Variants in KCNQ1 observed in about 807,000 individuals in gnomAD.
KCNQ1 encodes the protein potassium voltage-gated channel subfamily Q member 1.
A neutral mutation model predicts 72.4 loss-of-function variants in KCNQ1; 49 were observed. The ratio of observed to expected loss-of-function variants is 0.68; its 90% CI spans 0.54 to 0.86. The LOEUF is 0.86. KCNQ1 is among the 40% of genes least tolerant of loss of function. The pLI, the probability that KCNQ1 is intolerant of heterozygous loss-of-function variation, is 0.00. For synonymous variants in KCNQ1, 450 were observed against 412.6 expected, an observed-to-expected ratio of 1.09 and a Z score of -1.10; for missense variants, 790 against 945.1, an observed-to-expected ratio of 0.84 and a Z score of 2.15.
Position 2,598,919 on chromosome 11 carries a change from C to T in KCNQ1, c.1393+10065C>T, listed in dbSNP as rs996632821. On this transcript the variant is annotated intron_variant, in intron 10 of 15. Transcript: ENST00000155840. This position sits in a 1 kb window ranked among gnomAD's most constrained non-coding sequence, Gnocchi z 6.2. ...TAAGTGCTCACCCAGGACCCATATG[C>T]AGCAAACAGTCTTGTGTCTCTGTCT... is the stretch of plus-strand genomic sequence containing the variant. Among the ~76,000 whole-genome samples the T allele has an allele frequency of 6.6e-6, 1 of 152,242 alleles. No homozygotes were observed. Among genetic ancestry groups the T allele is most frequent in the Admixed American group, 6.5e-5 (1 of 15,290 alleles).
At position 2,672,073 on chromosome 11, in the gene KCNQ1, G is replaced by A. The variant is rs1850193513; in HGVS notation, c.1514+9992G>A. Reference sequence around the variant, plus strand: ...GCCCAGTATCCTCCCCTGGTCCCTGGTCTGGACTGAGCAGCTGTCTTCTGC... The same window carrying A: ...GCCCAGTATCCTCCCCTGGTCCCTGATCTGGACTGAGCAGCTGTCTTCTGC... On this transcript the variant is annotated intron_variant, in intron 11 of 15. Transcript: ENST00000155840. 1.3e-5 allele frequency: 5 copies of A among 398,704 alleles called. No homozygotes were observed. The East Asian group carries it at 1.4e-4, about 11-fold the overall frequency. The allele number at this position is 398,704 out of a possible 1,614,324, so 24.7% of individuals were successfully genotyped here.
At chr11:2,527,726 G>A (rs1284693089) in intron 1 of KCNQ1, among the ~76,000 whole-genome samples, 5 of 152,238 alleles carry the variant, frequency 3.3e-5, no homozygotes, top group South Asian at 2.1e-4. Flanking sequence ...TTGGTGCTTC[G>A]TCCCTTCCCG....
At position 2,676,011 on chromosome 11, in the gene KCNQ1, C is replaced by T; in HGVS notation, c.1514+13930C>T. On this transcript the variant is annotated intron_variant, in intron 11 of 15. Coordinates refer to ENST00000155840, the MANE Select transcript of KCNQ1 (RefSeq NM_000218.3). This position sits in a 1 kb window ranked among gnomAD's most constrained non-coding sequence, Gnocchi z 4.2. ...CACCCAACCCTAATTCCCAAGTTTC[C>T]TTCCCTAAAGGTTACCACTCAACAC... 1 of 398,674 alleles carries T rather than the reference C, an allele frequency of 2.5e-6. No homozygotes were observed. Among genetic ancestry groups the T allele is most frequent in the Admixed American group, 4.4e-5 (1 of 22,744 alleles). 24.7% of individuals were successfully genotyped at this position (398,674 alleles called of 1,614,324 possible).
chr11:2,802,698 A>G (rs542661171), intron 15 of KCNQ1, among the ~76,000 whole-genome samples: 1 of 152,302 alleles, frequency 6.6e-6, no homozygotes, highest in East Asian at 1.9e-4. Flanking sequence ...ACTGGGGAAC[A>G]GAGGGGCTGG....
chr11:2,623,517 A>G lies in KCNQ1; in HGVS notation c.1393+34663A>G. 1 of 398,584 alleles carries G rather than the reference A, an allele frequency of 2.5e-6. No individual in the cohort carries two copies. The allele number at this position is 398,584 out of a possible 1,614,324, so 24.7% of individuals were successfully genotyped here. On this transcript the variant is annotated intron_variant, in intron 10 of 15. Coordinates refer to ENST00000155840, the MANE Select transcript of KCNQ1 (RefSeq NM_000218.3). The surrounding 1 kb of genome is among the most constrained non-coding windows in gnomAD (Gnocchi z 5.2). ...TAAAATGCAATATGATTGGAATCAT[A>G]CAGTATGTAGTTTCTTCAGATTGCC...
In KCNQ1 at chr11:2,695,926, T is replaced by C. The variant is rs976137892; in HGVS notation, c.1514+33845T>C. On this transcript the variant is annotated intron_variant, in intron 11 of 15. Transcript: ENST00000155840. The surrounding 1 kb of genome is among the most constrained non-coding windows in gnomAD (Gnocchi z 5.2). ...TTTCTTAATGATTTGTGGTGCTTTCTGGTATATTTTAGCTGTTGTTCCCTC... is the reference window on the plus strand; with the variant it reads ...TTTCTTAATGATTTGTGGTGCTTTCCGGTATATTTTAGCTGTTGTTCCCTC... The C allele has an allele frequency of 5.0e-6, 2 of 398,562 alleles. No individual in the cohort carries two copies. The highest frequency in any genetic ancestry group is 4.1e-5 in the African/African-American group (2 of 48,648). 24.7% of individuals were successfully genotyped at this position (398,562 alleles called of 1,614,324 possible).
intron 15 of KCNQ1, among the ~76,000 whole-genome samples, chr11:2,823,149 T>A (rs776355524): frequency 1.4e-4 from 21 of 152,090 alleles, no homozygotes; most frequent in Non-Finnish European, 2.8e-4. Flanking sequence ...TGTGTCATCA[T>A]GCCCTTCAGG....
In KCNQ1 at chr11:2,756,951, T is replaced by TAAAAAAAA. The variant is rs58284663; in HGVS notation, c.1515-11870_1515-11863dup. ...TTTCCCAACTTGATCAAGAGCATCT[T>TAAAAAAAA]AAAAAAAAAAAAAAAAAAAAAAAAA... On this transcript the variant is annotated intron_variant, in intron 11 of 15. Transcript: ENST00000155840. Among the ~76,000 whole-genome samples, 48 of 50,998 alleles carry TAAAAAAAA rather than the reference T, an allele frequency of 9.4e-4. 6 individuals are homozygous for TAAAAAAAA. In the East Asian group the frequency reaches 0.019, roughly 20 times the overall value. The allele number at this position is 50,998 out of a possible 152,430, so 33.5% of individuals were successfully genotyped here.
At chr11:2,672,529 C>T (rs1005152470) in intron 11 of KCNQ1, 3 of 398,554 alleles carry the variant, frequency 7.5e-6, no homozygotes, top group Admixed American at 4.4e-5. Flanking sequence ...CTCTCCATTA[C>T]CAGCCTGTCT....
In KCNQ1 at chr11:2,814,017, TGATG is replaced by T. The variant is rs556954609; in HGVS notation, c.1795-33740_1795-33737del. Among the ~76,000 whole-genome samples, 939 of 134,302 alleles carry T rather than the reference TGATG, an allele frequency of 7.0e-3. 5 individuals carry two copies. The highest frequency in any genetic ancestry group is 9.6e-3 in the Non-Finnish European group (593 of 61,940). 88.1% of individuals were successfully genotyped at this position (134,302 alleles called of 152,430 possible). A position where few individuals can be genotyped will look rare whatever the true frequency, so the allele number is the denominator to read the frequency against. On this transcript the variant is annotated intron_variant, in intron 15 of 15. Coordinates refer to ENST00000155840, the MANE Select transcript of KCNQ1 (RefSeq NM_000218.3). ...ATAAAGAAATGGATGGATGGATGGATGATGGATGGATGGGTGTGTGGGTATGTGG... is the reference window on the plus strand; with the variant it reads ...ATAAAGAAATGGATGGATGGATGGATGATGGATGGGTGTGTGGGTATGTGG...
intron 2 of KCNQ1, among the ~76,000 whole-genome samples, chr11:2,568,361 G>T (rs1465750369): frequency 6.6e-6 from 1 of 152,218 alleles, no homozygotes; most frequent in Non-Finnish European, 1.5e-5. Flanking sequence ...TGGTGGATGG[G>T]TCAGCAGAGC....
chr11:2,622,828 A>C, intron 10 of KCNQ1: 1 of 398,256 alleles, frequency 2.5e-6, no homozygotes. Flanking sequence ...CCCATTACCA[A>C]CTCTCCCACC....
At position 2,549,059 on chromosome 11, in the gene KCNQ1, G is replaced by A. The variant is rs1847940937; in HGVS notation, c.477+21041G>A. Among the ~76,000 whole-genome samples, 1 of 152,200 alleles carries A rather than the reference G, an allele frequency of 6.6e-6. No homozygotes were observed. The highest frequency in any genetic ancestry group is 2.4e-5 in the African/African-American group (1 of 41,430). On this transcript the variant is annotated intron_variant, in intron 2 of 15. Transcript: ENST00000155840. This position sits in a 1 kb window ranked among gnomAD's most constrained non-coding sequence, Gnocchi z 6.2. ...CTTCATCCCAGGGGCTGTCTCCAGG[G>A]TGGGTTCTAGAGTACATCCAGCTTC...
At chr11:2,788,430 G>A (rs1436410071) in intron 15 of KCNQ1, among the ~76,000 whole-genome samples, 1 of 152,220 alleles carries the variant, frequency 6.6e-6, no homozygotes, top group Non-Finnish European at 1.5e-5. Flanking sequence ...GGCTGTCCCA[G>A]AGGCCAGGGA....
chr11:2,795,283 GC>G (rs770332598), intron 15 of KCNQ1, among the ~76,000 whole-genome samples: 19 of 152,262 alleles, frequency 1.2e-4, no homozygotes, highest in Non-Finnish European at 8.8e-5. Flanking sequence ...CCCTGCTGCT[GC>G]CAGACCTGCA....
At chr11:2,799,641 C>A (rs1048202262) in intron 15 of KCNQ1, among the ~76,000 whole-genome samples, 1 of 152,176 alleles carries the variant, frequency 6.6e-6, no homozygotes, top group Admixed American at 6.5e-5. Context: ...CTCGTGCACT[C>A]GGTGTCCAGG....
chr11:2,618,856 C>T (rs1849116213), intron 10 of KCNQ1: 6 of 398,094 alleles, frequency 1.5e-5, no homozygotes, highest in Admixed American at 4.4e-5. Context: ...TAATTTCTTT[C>T]ATCAATGATT....
chr11:2,812,067 A>G (rs1321391260), intron 15 of KCNQ1, among the ~76,000 whole-genome samples: 2 of 152,020 alleles, frequency 1.3e-5, no homozygotes, highest in Non-Finnish European at 2.9e-5. Context: ...TGGTTCTCTA[A>G]GCCGCCGCCT....
In KCNQ1 at chr11:2,826,618, A is replaced by G. The variant is rs972633278; in HGVS notation, c.1795-21149A>G. Among the ~76,000 whole-genome samples the G allele has an allele frequency of 3.9e-5, 6 of 152,306 alleles. No homozygotes were observed. In the East Asian group the frequency reaches 9.6e-4, roughly 24 times the overall value. ...AAATGCCCTGGATTGGCTGTGGCAC[A>G]AGAGGGCTGGCCCAGCACACCCAGC... On this transcript the variant is annotated intron_variant, in intron 15 of 15. Coordinates refer to ENST00000155840, the MANE Select transcript of KCNQ1 (RefSeq NM_000218.3). This position sits in a 1 kb window ranked among gnomAD's most constrained non-coding sequence, Gnocchi z 4.2.
Sources: gnomAD v4.1 joint callset for allele counts (sites outside exome capture counted in the v4.1 genomes callset) on GRCh38, gnomAD v4.1.1 for gene constraint, Gnocchi (gnomAD v3.1) non-coding constraint, MANE v1.5 for transcripts, NCBI Gene and HGNC (gene_info 2026-07-23, HGNC 2026-07-21) for gene names.